The following UBE2E2 variants were observed in gnomAD, a reference collection of about 807,000 sequenced individuals.
UBE2E2 encodes the protein ubiquitin-conjugating enzyme E2 E2.
In UBE2E2, 6 loss-of-function variants were observed where a neutral mutation model predicts 24.7. The ratio of observed to expected loss-of-function variants is 0.24; its 90% CI spans 0.13 to 0.48. The LOEUF is 0.48. Ranked by LOEUF, UBE2E2 falls within the 20% of genes least tolerant of loss-of-function variation. UBE2E2 has a pLI of 0.99. For synonymous variants in UBE2E2, 104 were observed against 83.6 expected (o/e 1.24, Z -1.33); for missense variants, 169 against 245.0 (o/e 0.69, Z 2.07).
chr3:23,587,487 T>C (rs1487036458), intron 5 of UBE2E2, among the ~76,000 whole-genome samples: 1 of 152,226 alleles, frequency 6.6e-6, no homozygotes, highest in Non-Finnish European at 1.5e-5. Flanking sequence ...TTCAATGTGT[T>C]TCACTAATAT....
At chr3:23,222,861 C>T (rs931229144) in intron 3 of UBE2E2, among the ~76,000 whole-genome samples, 9 of 152,256 alleles carry the variant, frequency 5.9e-5, no homozygotes, top group East Asian at 3.9e-4. Context: ...CCCCTTTCTC[C>T]GCATCCTTGC....
intron 3 of UBE2E2, among the ~76,000 whole-genome samples, chr3:23,429,556 G>C (rs1039691302): frequency 1.3e-5 from 2 of 152,038 alleles, no homozygotes; most frequent in Admixed American, 1.3e-4. Context: ...ATAAAGAAAG[G>C]GCACTTGACA....
intron 3 of UBE2E2, among the ~76,000 whole-genome samples, chr3:23,405,064 G>A (rs188344099): frequency 2.1e-4 from 32 of 152,296 alleles, no homozygotes; most frequent in African/African-American, 6.0e-4. Context: ...AGTTGCTGCT[G>A]CTGTAATCAG....
rs140606233 is a variant in UBE2E2, at chr3:23,214,400, C to A, written c.177-2862C>A. On this transcript the variant is annotated intron_variant, in intron 2 of 5. Coordinates refer to ENST00000396703, the MANE Select transcript of UBE2E2 (RefSeq NM_152653.4). The stretch of plus-strand genomic sequence containing the variant: ...TCCTGAGTAACTGGGACTATAAGCA[C>A]ACACCGCTATGACCAACAGTTTCCT... Among the ~76,000 whole-genome samples, 346 of 151,836 alleles carry A rather than the reference C, an allele frequency of 2.3e-3. 3 individuals are homozygous for A. The highest frequency in any genetic ancestry group is 8.0e-3 in the African/African-American group (330 of 41,422).
intron 3 of UBE2E2, among the ~76,000 whole-genome samples, chr3:23,350,504 T>C (rs1268605247): frequency 6.6e-6 from 1 of 152,120 alleles, no homozygotes; most frequent in Non-Finnish European, 1.5e-5. Context: ...TTTAGACGAA[T>C]GTATAACTAG....
intron 3 of UBE2E2, among the ~76,000 whole-genome samples, chr3:23,399,446 G>T (rs1191869906): frequency 2.0e-5 from 3 of 152,156 alleles, no homozygotes; most frequent in African/African-American, 7.2e-5. Context: ...CGTCCTGTAT[G>T]GGCTGGAGTA....
rs74953686 is a variant in UBE2E2 at position 23,421,100 on chromosome 3, A to G, written c.228-78508A>G. 4.8e-3 allele frequency among the ~76,000 whole-genome samples: 728 copies of G among 152,338 alleles called. 5 individuals are homozygous for G. Among genetic ancestry groups the G allele is most frequent in the African/African-American group, 0.017 (689 of 41,580 alleles). ...TGATCTACTTTCTACTGTGTGCACT[A>G]GTAGTGCTTAGGCATCTTGTAAGGA... is the stretch of plus-strand genomic sequence containing the variant. On this transcript the variant is annotated intron_variant, in intron 3 of 5. Transcript: ENST00000396703.
intron 4 of UBE2E2, among the ~76,000 whole-genome samples, chr3:23,532,105 T>C (rs1257464678): frequency 6.6e-6 from 1 of 152,028 alleles, no homozygotes; most frequent in East Asian, 1.9e-4. Context: ...GAATAATATT[T>C]ATTTTCTTTG....
At chr3:23,269,278 G>C (rs571774601) in intron 3 of UBE2E2, among the ~76,000 whole-genome samples, 2 of 152,156 alleles carry the variant, frequency 1.3e-5, no homozygotes, top group South Asian at 4.2e-4. Context: ...CTACAAAATG[G>C]GAGAAAATTT....
intron 3 of UBE2E2, among the ~76,000 whole-genome samples, chr3:23,493,423 C>A (rs1372047268): frequency 3.3e-5 from 5 of 152,130 alleles, no homozygotes. Context: ...GAAGCAGCAA[C>A]CTTGGGCATT....
At chr3:23,399,967 A>G (rs779751009) in intron 3 of UBE2E2, among the ~76,000 whole-genome samples, 1 of 152,172 alleles carries the variant, frequency 6.6e-6, no homozygotes, top group Non-Finnish European at 1.5e-5. Context: ...GCAGGAGGCC[A>G]CTTTTAACTG....
At chr3:23,337,774 A>G (rs1193126912) in intron 3 of UBE2E2, among the ~76,000 whole-genome samples, 1 of 152,244 alleles carries the variant, frequency 6.6e-6, no homozygotes, top group African/African-American at 2.4e-5. Flanking sequence ...TTGAAGCTAT[A>G]AAGATTGGTA....
At chr3:23,556,451 A>AT (rs760059972) in intron 5 of UBE2E2, among the ~76,000 whole-genome samples, 3 of 138,888 alleles carry the variant, frequency 2.2e-5, no homozygotes, top group South Asian at 2.3e-4. Context: ...AATAAAATTT[A>AT]TTTAAAAAAA....
At chr3:23,539,973 T>C (rs566819803) in intron 5 of UBE2E2, among the ~76,000 whole-genome samples, 4 of 152,048 alleles carry the variant, frequency 2.6e-5, no homozygotes, top group South Asian at 4.2e-4. Flanking sequence ...ATAGAGAAAA[T>C]GGTTATTATA....
chr3:23,497,946 C>T (rs1396347792), intron 3 of UBE2E2, among the ~76,000 whole-genome samples: 1 of 152,160 alleles, frequency 6.6e-6, no homozygotes, highest in Admixed American at 6.5e-5. Flanking sequence ...TCCTCATCAA[C>T]ATGTGGTTTT....
chr3:23,467,340 A>G (rs922797983), intron 3 of UBE2E2, among the ~76,000 whole-genome samples: 1 of 152,158 alleles, frequency 6.6e-6, no homozygotes, highest in Non-Finnish European at 1.5e-5. Context: ...GTGCTTTGGG[A>G]AAGTTTTTTG....
At chr3:23,289,052 G>T (rs1249282464) in intron 3 of UBE2E2, among the ~76,000 whole-genome samples, 1 of 152,202 alleles carries the variant, frequency 6.6e-6, no homozygotes, top group East Asian at 1.9e-4. Flanking sequence ...TAATTCTCAT[G>T]AAGATGCTTT....
chr3:23,311,941 C>T (rs531895960), intron 3 of UBE2E2, among the ~76,000 whole-genome samples: 1 of 152,108 alleles, frequency 6.6e-6, no homozygotes, highest in African/African-American at 2.4e-5. Flanking sequence ...TTGTAATCGC[C>T]AGTGTTGGAG....
At chr3:23,287,657 A>T (rs1045720538) in intron 3 of UBE2E2, among the ~76,000 whole-genome samples, 1 of 151,812 alleles carries the variant, frequency 6.6e-6, no homozygotes, top group African/African-American at 2.4e-5. Flanking sequence ...GGTAGGTTGT[A>T]TGTGTCTAGG....
Sources: gnomAD v4.1 joint callset for allele counts (sites outside exome capture counted in the v4.1 genomes callset) on GRCh38, gnomAD v4.1.1 for gene constraint, MANE v1.5 for transcripts, NCBI Gene and HGNC (gene_info 2026-07-23, HGNC 2026-07-21) for gene names.